MAF: variants seen among roughly 807,000 people sequenced by gnomAD.
MAF encodes MAF bZIP transcription factor.
A neutral mutation model predicts 22.0 loss-of-function variants in MAF; 10 were observed. The observed-to-expected ratio is 0.45, with a 90% CI of 0.28 to 0.77. MAF has a LOEUF of 0.77. MAF is among the 30% of genes least tolerant of loss of function. The probability of loss-of-function intolerance (pLI) is 0.12; values close to 1 mark genes in which losing one functional copy is unlikely to be tolerated. For missense variants in MAF, 544 were observed against 548.4 expected (o/e 0.99, Z 0.08); for synonymous variants, 337 against 255.8 (o/e 1.32, Z -3.03).
chr16:79,552,222 T>G, the MAF span, among the ~76,000 whole-genome samples: 3 of 56,918 alleles, frequency 5.3e-5, no homozygotes, highest in African/African-American at 1.2e-4. Flanking sequence ...TCTCTCTTCT[T>G]TTTTTTTTTC....
At chr16:79,257,078 G>A in the MAF span, among the ~76,000 whole-genome samples, 4 of 152,272 alleles carry the variant, frequency 2.6e-5, no homozygotes, top group East Asian at 5.8e-4. Flanking sequence ...TCGGGAGGCT[G>A]AGGCAAGAGA....
chr16:79,374,378 C>A, the MAF span, among the ~76,000 whole-genome samples: 3 of 152,198 alleles, frequency 2.0e-5, no homozygotes, highest in Admixed American at 6.5e-5. Flanking sequence ...TTCCTCCCAA[C>A]CTCTCTGCTA....
chr16:79,304,226 T>C, the MAF span, among the ~76,000 whole-genome samples: 1 of 152,176 alleles, frequency 6.6e-6, no homozygotes, highest in Non-Finnish European at 1.5e-5. Context: ...AGAATGTCCT[T>C]GCAGAGACAT....
the MAF span, among the ~76,000 whole-genome samples, chr16:79,528,296 T>C: frequency 2.6e-5 from 4 of 152,110 alleles, no homozygotes; most frequent in Non-Finnish European, 5.9e-5. Flanking sequence ...CCAGTAGCAA[T>C]GGTATGATGT....
chr16:79,572,044 G>T, the MAF span, among the ~76,000 whole-genome samples: 1 of 152,160 alleles, frequency 6.6e-6, no homozygotes, highest in Non-Finnish European at 1.5e-5. Context: ...AAAACTGAAA[G>T]AAGAAACACA....
the MAF span, among the ~76,000 whole-genome samples, chr16:79,523,399 G>T: frequency 6.2e-4 from 94 of 152,326 alleles, 1 homozygote; most frequent in South Asian, 0.017. Context: ...TTATGTTGAA[G>T]CTCTAGAAGT....
the MAF span, among the ~76,000 whole-genome samples, chr16:79,222,776 G>A: frequency 1.3e-5 from 2 of 152,054 alleles, no homozygotes; most frequent in Non-Finnish European, 2.9e-5. Context: ...AGACAAAGAA[G>A]GGCATTACAT....
chr16:79,425,350 G>A, the MAF span, among the ~76,000 whole-genome samples: 3 of 151,818 alleles, frequency 2.0e-5, no homozygotes, highest in Admixed American at 2.0e-4. Flanking sequence ...TCTGGAGTGT[G>A]GCCTCTATGG....
chr16:79,212,693 T>TAAATGTTTGTTTCA, the MAF span: 1 of 148,226 alleles, frequency 6.7e-6, no homozygotes, highest in Non-Finnish European at 1.5e-5. Context: ...ATTGTTTCTT[T>TAAATGTTTGTTTCA]AAATGTTTGT....
the MAF span, among the ~76,000 whole-genome samples, chr16:79,476,420 T>A: frequency 1.3e-5 from 2 of 152,238 alleles, no homozygotes; most frequent in Non-Finnish European, 2.9e-5. Context: ...ACTTTACATA[T>A]GTTTAAATTT....
chr16:79,471,058 G>T, the MAF span, among the ~76,000 whole-genome samples: 1 of 152,192 alleles, frequency 6.6e-6, no homozygotes, highest in South Asian at 2.1e-4. Context: ...GCAGATGTGT[G>T]TTTAATTACC....
chr16:79,337,805 A>C, the MAF span, among the ~76,000 whole-genome samples: 1 of 152,206 alleles, frequency 6.6e-6, no homozygotes, highest in African/African-American at 2.4e-5. Flanking sequence ...GTAAACTATA[A>C]AACCCTTCTA....
the MAF span, among the ~76,000 whole-genome samples, chr16:79,422,100 G>A: frequency 6.6e-6 from 1 of 152,260 alleles, no homozygotes; most frequent in East Asian, 1.9e-4. Context: ...TTCTTAATGA[G>A]AGCATGATAA....
chr16:79,524,913 C>T, the MAF span, among the ~76,000 whole-genome samples: 1 of 152,166 alleles, frequency 6.6e-6, no homozygotes, highest in African/African-American at 2.4e-5. Context: ...AACACGCACA[C>T]AGATACAGCC....
At chr16:79,395,648 C>G in the MAF span, among the ~76,000 whole-genome samples, 1 of 152,154 alleles carries the variant, frequency 6.6e-6, no homozygotes, top group African/African-American at 2.4e-5. Flanking sequence ...AGGAGACAGT[C>G]ATGGAACTGA....
the MAF span, among the ~76,000 whole-genome samples, chr16:79,254,392 G>A: frequency 6.6e-6 from 1 of 151,914 alleles, no homozygotes; most frequent in African/African-American, 2.4e-5. Flanking sequence ...TCCATCCAAG[G>A]ATCCTCTTAC....
chr16:79,338,613 G>A, the MAF span, among the ~76,000 whole-genome samples: 1 of 152,024 alleles, frequency 6.6e-6, no homozygotes, highest in Non-Finnish European at 1.5e-5. Context: ...CAAGGTTTAG[G>A]ATGACAGAAG....
At chr16:79,266,440 G>A in the MAF span, among the ~76,000 whole-genome samples, 2 of 152,096 alleles carry the variant, frequency 1.3e-5, no homozygotes, top group African/African-American at 4.8e-5. Context: ...GGTCCCAAAA[G>A]GCAATAAGAG....
the MAF span, among the ~76,000 whole-genome samples, chr16:79,473,652 C>T: frequency 6.6e-5 from 10 of 152,262 alleles, no homozygotes; most frequent in Non-Finnish European, 1.3e-4. Flanking sequence ...GGAAAGGGCA[C>T]GGGGTGAGCA....
Sources: allele counts gnomAD v4.1 joint callset (sites outside exome capture counted in the v4.1 genomes callset), GRCh38; gene constraint gnomAD v4.1.1; transcripts MANE v1.5; gene names NCBI Gene and HGNC (gene_info 2026-07-23, HGNC 2026-07-21).